The following AKT2 variants were observed in gnomAD, a reference collection of about 807,000 sequenced individuals.
AKT2 encodes RAC-beta serine/threonine-protein kinase.
A neutral mutation model predicts 58.6 loss-of-function variants in AKT2; 16 were observed. That is an observed-to-expected ratio of 0.27 (90% CI 0.18 to 0.41). AKT2 has a LOEUF of 0.41. AKT2 is among the 10% of genes least tolerant of loss of function. The pLI, the probability that AKT2 is intolerant of heterozygous loss-of-function variation, is 1.00. For missense variants in AKT2, 438 were observed against 661.0 expected (o/e 0.66, Z 3.70); for synonymous variants, 253 against 254.0 (o/e 1.00, Z 0.04).
rs2145161670 is a variant in AKT2, at chr19:40,235,556, C to T, written c.1176-206G>A. 3.1e-6 allele frequency: 2 copies of T among 652,638 alleles called. No individual in the cohort carries two copies. Among genetic ancestry groups the T allele is most frequent in the African/African-American group, 1.8e-5 (1 of 56,186 alleles). The allele number at this position is 652,638 out of a possible 1,614,324, so 40.4% of individuals were successfully genotyped here. On this transcript the variant is annotated intron_variant, in intron 11 of 13. Transcript: ENST00000392038. The surrounding 1 kb of genome is among the most constrained non-coding windows in gnomAD (Gnocchi z 6.3). ...AGTCAGCAACCCGGACCCACGTGTC[C>T]TCACTGCCTGGCCTTACCCTGAGTC...
chr19:40,240,826 G>A (rs538511726), intron 6 of AKT2: 5 of 165,444 alleles, frequency 3.0e-5, no homozygotes, highest in East Asian at 1.6e-4. Context: ...TGGCTCTGTC[G>A]CCCAGGCTGG....
Position 40,238,222 on chromosome 19 carries a change from G to C in AKT2, c.709-131C>G. The C allele has an allele frequency of 7.9e-7, 1 of 1,269,290 alleles. No individual in the cohort carries two copies. Among genetic ancestry groups the C allele is most frequent in the South Asian group, 1.3e-5 (1 of 74,322 alleles). 78.6% of individuals were successfully genotyped at this position (1,269,290 alleles called of 1,614,324 possible). A position where few individuals can be genotyped will look rare whatever the true frequency, so the allele number is the denominator to read the frequency against. ...CATGAACCAGCAAGTGACAGCTAGA[G>C]GGACCAATCAAGGCAGAGCGCAGAA... On this transcript the variant is annotated intron_variant, in intron 8 of 13. Transcript: ENST00000392038. The surrounding 1 kb of genome is among the most constrained non-coding windows in gnomAD (Gnocchi z 5.1).
chr19:40,257,079 A>C, intron 2 of AKT2, 25 bp from the exon 3 acceptor site: 4 of 1,613,302 alleles, frequency 2.5e-6, no homozygotes, highest in Non-Finnish European at 3.4e-6. Flanking sequence ...GAAGGGAGGG[A>C]GAGAGGTTAG....
intron 1 of AKT2, among the ~76,000 whole-genome samples, chr19:40,273,132 A>C (rs1419128796): frequency 1.3e-5 from 2 of 152,162 alleles, no homozygotes; most frequent in Non-Finnish European, 2.9e-5. Context: ...TCACAAGGTC[A>C]GGAGGTCGAG....
At chr19:40,252,454 C>A (rs1278610734) in intron 4 of AKT2, among the ~76,000 whole-genome samples, 1 of 152,218 alleles carries the variant, frequency 6.6e-6, no homozygotes, top group Non-Finnish European at 1.5e-5. Context: ...CTCCTGCCTA[C>A]TAAAACACCT....
At chr19:40,250,395 C>T (rs1418613161) in intron 4 of AKT2, among the ~76,000 whole-genome samples, 2 of 151,856 alleles carry the variant, frequency 1.3e-5, no homozygotes, top group African/African-American at 4.8e-5. Flanking sequence ...CCCAGCTACT[C>T]AGGAGGCTGA....
chr19:40,235,316 T>C lies in AKT2; in HGVS notation c.1210A>G (p.Met404Val), dbSNP rs1328944283. ...ATGCTGAGGAAGAACCTGTGCTCCA[T>C]GACCTCCTTGGCATCGCTGGGCCCC... ...GGGPSDAKEV[M>V]EHRFFLSINW... The change falls in exon 12 of 14, where the codon ATG becomes GTG. Residue 404 changes from methionine to valine, a missense_variant. This residue lies in a region of AKT2 where 148 missense variants were observed against 199.5 expected (regional missense o/e 0.74). Transcript: ENST00000392038. The surrounding 1 kb of genome is among the most constrained non-coding windows in gnomAD (Gnocchi z 6.3). 3 of 1,613,898 alleles carry C rather than the reference T, an allele frequency of 1.9e-6. No individual in the cohort carries two copies. The highest frequency in any genetic ancestry group is 2.5e-6 in the Non-Finnish European group (3 of 1,180,014).
chr19:40,253,649 G>A lies in AKT2; in HGVS notation c.287+1509C>T, dbSNP rs573538052. On this transcript the variant is annotated intron_variant, in intron 4 of 13. Transcript: ENST00000392038. Reference sequence around the variant, plus strand: ...TCAGACATCGCCTAATAGAAACATCGCAAAACCACAAACTTATTTTCCCTG... The same window carrying A: ...TCAGACATCGCCTAATAGAAACATCACAAAACCACAAACTTATTTTCCCTG... Among the ~76,000 whole-genome samples, 31 of 152,212 alleles carry A rather than the reference G, an allele frequency of 2.0e-4. No individual in the cohort carries two copies. In the South Asian group the frequency reaches 5.2e-3, roughly 25 times the overall value.
At chr19:40,245,034 G>A (rs1013846514) in intron 4 of AKT2, among the ~76,000 whole-genome samples, 2 of 152,196 alleles carry the variant, frequency 1.3e-5, no homozygotes, top group African/African-American at 2.4e-5. Context: ...AACTGGGCAC[G>A]CCTTTTTCTT....
intron 1 of AKT2, among the ~76,000 whole-genome samples, chr19:40,276,726 T>C (rs2077333120): frequency 6.6e-6 from 1 of 151,792 alleles, no homozygotes. Context: ...CAAAAGATAA[T>C]TTTTGCAGGC....
chr19:40,248,678 G>A (rs1012569666), intron 4 of AKT2, among the ~76,000 whole-genome samples: 2 of 152,258 alleles, frequency 1.3e-5, no homozygotes, highest in Admixed American at 6.5e-5. Context: ...TCTGTGAAAG[G>A]CACACAGGTG....
At chr19:40,236,208 C>T (rs754758297) in intron 10 of AKT2, 49 bp downstream of exon 10, 1 of 1,613,414 alleles carries the variant, frequency 6.2e-7, no homozygotes, top group Non-Finnish European at 8.5e-7. Flanking sequence ...TCTGGGGGAT[C>T]CCCCTACCCT....
chr19:40,257,186 C>T (rs1318795870), intron 2 of AKT2, 132 bp from the exon 3 acceptor site: 7 of 1,217,696 alleles, frequency 5.7e-6, no homozygotes, highest in Admixed American at 1.8e-5. Flanking sequence ...GGGGGACACA[C>T]GAGAATGCCT....
At chr19:40,240,395 A>G in intron 6 of AKT2, 1 of 642,008 alleles carries the variant, frequency 1.6e-6, no homozygotes, top group Non-Finnish European at 3.0e-6. Context: ...TGCAAGGGAG[A>G]CAAACAGACA....
chr19:40,256,857 A>G (rs1463877494), intron 3 of AKT2, 69 bp downstream of exon 3: 2 of 1,608,904 alleles, frequency 1.2e-6, no homozygotes, highest in East Asian at 4.5e-5. Flanking sequence ...ACCAAGTCCC[A>G]CAAGCCCCTA....
At chr19:40,254,891 A>G (rs1975424977) in intron 4 of AKT2, among the ~76,000 whole-genome samples, 1 of 151,972 alleles carries the variant, frequency 6.6e-6, no homozygotes, top group South Asian at 2.1e-4. Flanking sequence ...CCAGGTAGTC[A>G]CAGGTCTTGA....
At chr19:40,246,412 C>T (rs925701457) in intron 4 of AKT2, among the ~76,000 whole-genome samples, 6 of 152,168 alleles carry the variant, frequency 3.9e-5, no homozygotes, top group African/African-American at 1.4e-4. Flanking sequence ...GTGTGAGCTG[C>T]TGTGCCCAGC....
At chr19:40,256,849 C>A (rs1043494832) in intron 3 of AKT2, 77 bp downstream of exon 3, 21 of 1,604,228 alleles carry the variant, frequency 1.3e-5, no homozygotes, top group Admixed American at 8.4e-5. Flanking sequence ...GCTCAATGAC[C>A]AAGTCCCACA....
chr19:40,282,775 C>T, intron 1 of AKT2: 2 of 320,664 alleles, frequency 6.2e-6, no homozygotes, highest in South Asian at 2.3e-5. Flanking sequence ...CAATTTCGGA[C>T]TCTGCAAAAA....
Sources: gnomAD v4.1 joint callset for allele counts (sites outside exome capture counted in the v4.1 genomes callset) on GRCh38, gnomAD v4.1.1 for gene constraint, gnomAD v4.1.1 regional missense constraint, Gnocchi (gnomAD v3.1) non-coding constraint, MANE v1.5 for transcripts, NCBI Gene and HGNC (gene_info 2026-07-23, HGNC 2026-07-21) for gene names.